The following ERCC6L2 variants were observed in gnomAD, a reference collection of about 807,000 sequenced individuals.
ERCC6L2 encodes the protein DNA excision repair protein ERCC-6-like 2.
In ERCC6L2, 77 loss-of-function variants were observed where a neutral mutation model predicts 132.0. That is an observed-to-expected ratio of 0.58 (90% confidence interval 0.49 to 0.71). The LOEUF is 0.71. Among genes scored for constraint, ERCC6L2 ranks in the 30% least tolerant of loss-of-function variants. ERCC6L2 has a pLI of 0.00. For missense variants in ERCC6L2, 1,542 were observed against 1,837.6 expected (o/e 0.84, Z 2.94); for synonymous variants, 583 against 632.4 (o/e 0.92, Z 1.17).
chr9:96,020,606 C>T, downstream of ERCC6L2: 3 of 377,284 alleles, frequency 8.0e-6, no homozygotes, highest in South Asian at 6.0e-5. Flanking sequence ...TTAGAATGTC[C>T]CCTAGGTGGA....
chr9:95,880,868 G>C lies in ERCC6L2; in HGVS notation c.47-1G>C. 6.3e-7 allele frequency: 1 copy of C among 1,598,830 alleles called. No individual in the cohort carries two copies. Among genetic ancestry groups the C allele is most frequent in the Non-Finnish European group, 8.5e-7 (1 of 1,173,960 alleles). ...AAACTTTATTTTCTTTATTCTTGCA[G>C]ACATATGGCATCCAGGAGAAAGATG... On this transcript the variant is annotated splice_acceptor_variant, in intron 1 of 18. Coordinates refer to ENST00000653738, the MANE Select transcript of ERCC6L2 (RefSeq NM_020207.7). LOFTEE classifies it high-confidence loss of function.
chr9:95,900,326 T>C (rs1828705178), intron 3 of ERCC6L2, among the ~76,000 whole-genome samples: 1 of 151,794 alleles, frequency 6.6e-6, no homozygotes, highest in Non-Finnish European at 1.5e-5. Flanking sequence ...AGTTCTAGGC[T>C]GCAGTGAGCC....
chr9:95,919,997 G>C (rs538538079), intron 6 of ERCC6L2, among the ~76,000 whole-genome samples: 6 of 152,316 alleles, frequency 3.9e-5, no homozygotes, highest in Admixed American at 2.6e-4. Context: ...ATGTGGCAGA[G>C]GGATTCTGAT....
At chr9:95,962,906 A>G (rs113548404) in intron 13 of ERCC6L2, among the ~76,000 whole-genome samples, 7 of 152,264 alleles carry the variant, frequency 4.6e-5, no homozygotes, top group African/African-American at 9.6e-5. Context: ...CTTTAACTTC[A>G]TTGAAAGATA....
In ERCC6L2 at chr9:95,915,521, A is replaced by G. The variant is rs181662770; in HGVS notation, c.789-147A>G. The stretch of plus-strand genomic sequence containing the variant: ...TGTCCAAGGGTGTGACCATTTAACT[A>G]AGTGGGTAAGAATCCAATGGAGTCA... On this transcript the variant is annotated intron_variant, in intron 4 of 18. Coordinates refer to ENST00000653738, the MANE Select transcript of ERCC6L2 (RefSeq NM_020207.7). The G allele has an allele frequency of 1.2e-4, 92 of 749,994 alleles. No homozygotes were observed. The African/African-American group carries it at 1.4e-3, about 12-fold the overall frequency. 46.5% of individuals were successfully genotyped at this position (749,994 alleles called of 1,614,324 possible).
intron 1 of ERCC6L2, among the ~76,000 whole-genome samples, chr9:95,879,467 A>T (rs78813573): frequency 0.025 from 3,762 of 152,298 alleles, 66 homozygotes; most frequent in Non-Finnish European, 0.037. Flanking sequence ...GAATTGCTGT[A>T]AGGGTTGCTT....
At chr9:96,036,924 G>A (rs973463531) in intron 19 of ERCC6L2, among the ~76,000 whole-genome samples, 8 of 150,376 alleles carry the variant, frequency 5.3e-5, no homozygotes, top group Admixed American at 1.3e-4. Flanking sequence ...CCGCCACTAC[G>A]CCCGGCTAAT....
rs968013202 is a variant in ERCC6L2 at position 95,972,274 on chromosome 9, C to T, written c.2523C>T (p.Asp841=). 2 of 1,303,630 alleles carry T rather than the reference C, an allele frequency of 1.5e-6. No homozygotes were observed. The highest frequency in any genetic ancestry group is 1.5e-5 in the African/African-American group (1 of 65,800). The allele number at this position is 1,303,630 out of a possible 1,614,324, so 80.8% of individuals were successfully genotyped here. Residue 841 remains aspartate (D), a synonymous_variant, in exon 16 of 19, where the codon GAC becomes GAT. Coordinates refer to ENST00000653738, the MANE Select transcript of ERCC6L2 (RefSeq NM_020207.7). ...ATGCTGGTTGTGAGAAAAATCAGGA[C>T]TCTCTTGGTACTTCAAAACATCAGA... ...AKDAGCEKNQ[D]SLGTSKHQKL...
intron 3 of ERCC6L2, among the ~76,000 whole-genome samples, chr9:95,900,647 G>T (rs1204046959): frequency 1.3e-5 from 2 of 152,004 alleles, no homozygotes; most frequent in Non-Finnish European, 2.9e-5. Context: ...TTTTCTTTGT[G>T]ATTACATCCA....
At chr9:95,982,928 T>G (rs1832950251) in intron 17 of ERCC6L2, among the ~76,000 whole-genome samples, 1 of 152,192 alleles carries the variant, frequency 6.6e-6, no homozygotes, top group South Asian at 2.1e-4. Context: ...TACGAGAAGC[T>G]GTGGCATCTT....
chr9:95,954,944 T>C (rs1403594253), intron 12 of ERCC6L2: 1 of 464,910 alleles, frequency 2.2e-6, no homozygotes, highest in African/African-American at 2.0e-5. Flanking sequence ...AGAGAGAACA[T>C]CAAATGTAAC....
chr9:95,986,782 C>T (rs1833113489), intron 17 of ERCC6L2, among the ~76,000 whole-genome samples: 1 of 152,106 alleles, frequency 6.6e-6, no homozygotes, highest in South Asian at 2.1e-4. Flanking sequence ...CAGGCACAAG[C>T]CACCATGCCC....
At chr9:95,901,895 A>G (rs1196956210) in intron 3 of ERCC6L2, among the ~76,000 whole-genome samples, 2 of 152,224 alleles carry the variant, frequency 1.3e-5, no homozygotes, top group South Asian at 4.1e-4. Context: ...TAAAAGATAA[A>G]TTTGTATTGG....
At chr9:95,877,318 A>G (rs1358297174) in intron 1 of ERCC6L2, among the ~76,000 whole-genome samples, 1 of 151,110 alleles carries the variant, frequency 6.6e-6, no homozygotes, top group Admixed American at 6.6e-5. Context: ...TACTCCAATA[A>G]GTTGTGTGAT....
At chr9:95,947,325 C>A (rs778787978) in intron 12 of ERCC6L2, among the ~76,000 whole-genome samples, 19 of 152,330 alleles carry the variant, frequency 1.2e-4, no homozygotes, top group Non-Finnish European at 1.9e-4. Flanking sequence ...CATTAAACCA[C>A]AGCCTAATCC....
At chr9:95,912,674 A>T (rs1182033419) in intron 4 of ERCC6L2, among the ~76,000 whole-genome samples, 3 of 152,220 alleles carry the variant, frequency 2.0e-5, no homozygotes, top group African/African-American at 7.2e-5. Flanking sequence ...TTTATAAAGC[A>T]GGATTCAATA....
At chr9:95,998,939 T>C (rs1833560354) in intron 17 of ERCC6L2, among the ~76,000 whole-genome samples, 1 of 152,254 alleles carries the variant, frequency 6.6e-6, no homozygotes, top group Non-Finnish European at 1.5e-5. Context: ...AAAATTTATT[T>C]TTAATATAAC....
At chr9:95,938,455 T>A (rs1330426514) in intron 11 of ERCC6L2, among the ~76,000 whole-genome samples, 1 of 152,122 alleles carries the variant, frequency 6.6e-6, no homozygotes, top group Non-Finnish European at 1.5e-5. Context: ...TCCTCAACTA[T>A]AATTGTGCAT....
At chr9:96,024,583 G>A (rs1253592602) in intron 19 of ERCC6L2, among the ~76,000 whole-genome samples, 1 of 152,082 alleles carries the variant, frequency 6.6e-6, no homozygotes, top group East Asian at 1.9e-4. Context: ...GATTTCCCAG[G>A]GAGCTATCCC....
Sources: allele counts gnomAD v4.1 joint callset (sites outside exome capture counted in the v4.1 genomes callset), GRCh38; gene constraint gnomAD v4.1.1; transcripts MANE v1.5; gene names NCBI Gene and HGNC (gene_info 2026-07-23, HGNC 2026-07-21).